GULP1: variants seen among roughly 807,000 people sequenced by gnomAD.
The protein encoded by GULP1 is PTB domain-containing engulfment adapter protein 1.
In GULP1, 19 loss-of-function variants were observed where a neutral mutation model predicts 40.9. That is an observed-to-expected ratio of 0.46 (90% CI 0.32 to 0.68). The LOEUF is 0.68. Among genes scored for constraint, GULP1 ranks in the 30% least tolerant of loss-of-function variants. The probability of loss-of-function intolerance (pLI) is 0.03; values close to 1 mark genes in which losing one functional copy is unlikely to be tolerated. For synonymous variants in GULP1, 119 were observed against 117.6 expected, an observed-to-expected ratio of 1.01 and a Z score of -0.08; for missense variants, 312 against 362.2, an observed-to-expected ratio of 0.86 and a Z score of 1.12.
chr2:188,333,196 A>C (rs980707839), intron 1 of GULP1, among the ~76,000 whole-genome samples: 1 of 151,964 alleles, frequency 6.6e-6, no homozygotes, highest in Non-Finnish European at 1.5e-5. Flanking sequence ...CAGTGAGCCA[A>C]GATCATGCCA....
chr2:188,327,322 T>A (rs2040891432), intron 1 of GULP1, among the ~76,000 whole-genome samples: 1 of 152,174 alleles, frequency 6.6e-6, no homozygotes, highest in Admixed American at 6.6e-5. Flanking sequence ...ATTATTTGAA[T>A]CTGGCAATAG....
intron 5 of GULP1, 21 bp downstream of exon 5, chr2:188,522,848 A>G (rs1345996726): frequency 6.9e-7 from 1 of 1,450,670 alleles, no homozygotes; most frequent in Non-Finnish European, 9.7e-7. Context: ...GCCTTCAAAT[A>G]AATTACAAGT....
intron 3 of GULP1, among the ~76,000 whole-genome samples, chr2:188,481,439 A>G (rs1204670785): frequency 1.3e-5 from 2 of 151,994 alleles, no homozygotes; most frequent in Non-Finnish European, 2.9e-5. Flanking sequence ...AGGATATGTA[A>G]TAAACAAACA....
intron 2 of GULP1, among the ~76,000 whole-genome samples, chr2:188,469,111 G>C (rs1356091195): frequency 6.6e-6 from 1 of 152,154 alleles, no homozygotes; most frequent in African/African-American, 2.4e-5. Context: ...AGGGGCCTAC[G>C]GGAAGGCGTA....
At chr2:188,377,965 A>G (rs1404639073) in intron 1 of GULP1, among the ~76,000 whole-genome samples, 1 of 152,164 alleles carries the variant, frequency 6.6e-6, no homozygotes, top group Non-Finnish European at 1.5e-5. Context: ...TTGTAATTAT[A>G]TACAGACTTT....
intron 1 of GULP1, among the ~76,000 whole-genome samples, chr2:188,341,717 T>G (rs1183388620): frequency 6.6e-6 from 1 of 152,232 alleles, no homozygotes; most frequent in Non-Finnish European, 1.5e-5. Flanking sequence ...TGTACAGTTT[T>G]TAATATAAAT....
chr2:188,555,987 G>A (rs1186117615), intron 7 of GULP1, among the ~76,000 whole-genome samples: 3 of 151,306 alleles, frequency 2.0e-5, no homozygotes, highest in African/African-American at 7.3e-5. Flanking sequence ...GAACCCGGGA[G>A]ACAGAGGTTG....
chr2:188,525,068 C>CT (rs1436906869), intron 5 of GULP1, among the ~76,000 whole-genome samples: 1 of 151,748 alleles, frequency 6.6e-6, no homozygotes, highest in Non-Finnish European at 1.5e-5. Flanking sequence ...TTAAAACTGA[C>CT]TTTTTTACAC....
chr2:188,595,214 A>G lies in GULP1; in HGVS notation c.*1203A>G, dbSNP rs1487690712. ...CCCTTTACCTAACAGACTAATTTGT[A>G]CTCAGTAAAACAAAAATTTATGGTC... On this transcript the variant is annotated 3_prime_UTR_variant, in exon 12 of 12. Transcript: ENST00000409830. The G allele has an allele frequency of 6.6e-6, 1 of 151,694 alleles. No individual in the cohort carries two copies. The highest frequency in any genetic ancestry group is 2.4e-5 in the African/African-American group (1 of 41,406). The allele number at this position is 151,694 out of a possible 1,614,324, so 9.4% of individuals were successfully genotyped here.
chr2:188,305,681 A>G (rs775138095), intron 1 of GULP1, among the ~76,000 whole-genome samples: 7 of 152,202 alleles, frequency 4.6e-5, no homozygotes, highest in Non-Finnish European at 7.3e-5. Flanking sequence ...TCCATTGACA[A>G]TGTTTTGTCT....
intron 1 of GULP1, among the ~76,000 whole-genome samples, chr2:188,298,991 G>T (rs1011434420): frequency 6.6e-6 from 1 of 152,146 alleles, no homozygotes; most frequent in Non-Finnish European, 1.5e-5. Flanking sequence ...TATTAATGCA[G>T]CTAGTCCCTA....
rs1391228037 is a variant in GULP1 at position 188,312,416 on chromosome 2, T to C, written c.-172+20250T>C. On this transcript the variant is annotated intron_variant, in intron 1 of 11. Transcript: ENST00000409830. ...TGTGGTATTTGGTTTTCTGTTTCTG[T>C]GTTAGTTTGCTGAGGATGATGGCTT... Among the ~76,000 whole-genome samples, 5 of 152,238 alleles carry C rather than the reference T, an allele frequency of 3.3e-5. No homozygotes were observed. The East Asian group carries it at 9.7e-4, about 29-fold the overall frequency.
At chr2:188,298,104 G>C (rs1163457619) in intron 1 of GULP1, among the ~76,000 whole-genome samples, 1 of 152,064 alleles carries the variant, frequency 6.6e-6, no homozygotes, top group Non-Finnish European at 1.5e-5. Flanking sequence ...TACATGTTAT[G>C]CTCTGTAATT....
At chr2:188,294,124 T>G (rs1336486449) in intron 1 of GULP1, 2 of 152,238 alleles carry the variant, frequency 1.3e-5, no homozygotes, top group African/African-American at 2.4e-5. Context: ...GCCCACACTT[T>G]GTTGCTGTTT....
intron 2 of GULP1, among the ~76,000 whole-genome samples, chr2:188,404,230 C>T (rs183810123): frequency 6.6e-6 from 1 of 152,232 alleles, no homozygotes; most frequent in Non-Finnish European, 1.5e-5. Flanking sequence ...TGGTTGTCAG[C>T]AAGATGGGCT....
intron 1 of GULP1, among the ~76,000 whole-genome samples, chr2:188,369,065 AT>A (rs2047251519): frequency 6.7e-6 from 1 of 148,524 alleles, no homozygotes; most frequent in South Asian, 2.1e-4. Flanking sequence ...GATTCAAGCA[AT>A]TCTCCTTTCT....
At chr2:188,460,850 T>C (rs1391873674) in intron 2 of GULP1, among the ~76,000 whole-genome samples, 1 of 152,172 alleles carries the variant, frequency 6.6e-6, no homozygotes, top group Non-Finnish European at 1.5e-5. Context: ...TGAGGGTCTT[T>C]ATCGTGAGGG....
intron 2 of GULP1, among the ~76,000 whole-genome samples, chr2:188,468,568 G>A (rs1193130728): frequency 6.6e-6 from 1 of 152,178 alleles, no homozygotes; most frequent in East Asian, 1.9e-4. Flanking sequence ...ATTTATTCAC[G>A]TTTCTAGGAC....
chr2:188,590,580 C>T (rs1382106044), intron 11 of GULP1: 1 of 152,128 alleles, frequency 6.6e-6, no homozygotes, highest in African/African-American at 2.4e-5. Context: ...ACAGAAACAT[C>T]TCATGCATGT....
Sources: gnomAD v4.1 joint callset for allele counts (sites outside exome capture counted in the v4.1 genomes callset) on GRCh38, gnomAD v4.1.1 for gene constraint, MANE v1.5 for transcripts, NCBI Gene and HGNC (gene_info 2026-07-23, HGNC 2026-07-21) for gene names.